The following CSMD3 variants were observed in gnomAD, a reference collection of about 807,000 sequenced individuals.
The protein encoded by CSMD3 is CUB and sushi domain-containing protein 3.
Under a neutral mutation model 435.2 loss-of-function variants are expected in CSMD3, and 177 were observed. That is an observed-to-expected ratio of 0.41 (90% CI 0.36 to 0.46). The LOEUF (loss-of-function observed/expected upper bound fraction) is 0.46. Ranked by LOEUF, CSMD3 falls within the 20% of genes least tolerant of loss-of-function variation. The probability of loss-of-function intolerance (pLI) is 0.34; values close to 1 mark genes in which losing one functional copy is unlikely to be tolerated. For synonymous variants in CSMD3, 1,656 were observed against 1,520.5 expected (o/e 1.09, Z -2.07); for missense variants, 4,265 against 4,504.6 (o/e 0.95, Z 1.52).
At chr8:112,371,082 TC>T (rs1828348428) in intron 38 of CSMD3, among the ~76,000 whole-genome samples, 1 of 152,038 alleles carries the variant, frequency 6.6e-6, no homozygotes, top group Non-Finnish European at 1.5e-5. Flanking sequence ...TGCCCAGATT[TC>T]CCCTGGCCTC....
chr8:112,634,125 A>C (rs2074591606), intron 22 of CSMD3, among the ~76,000 whole-genome samples: 1 of 152,016 alleles, frequency 6.6e-6, no homozygotes, highest in Admixed American at 6.6e-5. Context: ...AAAAAGTACA[A>C]AGAGGTTAAG....
At chr8:113,002,398 C>A (rs1033356732) in intron 6 of CSMD3, among the ~76,000 whole-genome samples, 1 of 151,620 alleles carries the variant, frequency 6.6e-6, no homozygotes, top group Non-Finnish European at 1.5e-5. Flanking sequence ...CTATGGTTTT[C>A]AAAAAAATGT....
intron 56 of CSMD3, among the ~76,000 whole-genome samples, chr8:112,289,857 T>C (rs1466968908): frequency 6.6e-6 from 1 of 152,062 alleles, no homozygotes; most frequent in Non-Finnish European, 1.5e-5. Context: ...CATATATATG[T>C]GTATGAGTTC....
Position 112,728,375 on chromosome 8 carries a change from A to G in CSMD3, c.1973-38325T>C, listed in dbSNP as rs865843318. Among the ~76,000 whole-genome samples the G allele has an allele frequency of 8.5e-5, 13 of 152,126 alleles. No homozygotes were observed. The South Asian group carries it at 1.0e-3, about 12-fold the overall frequency. On this transcript the variant is annotated intron_variant, in intron 13 of 70. Coordinates refer to ENST00000297405, the MANE Select transcript of CSMD3 (RefSeq NM_198123.2). ...ACAATAAAGAATTAAAATAAGTTAT[A>G]TATCTATACACGTATGTATGTAAAT...
chr8:112,727,385 C>A (rs889336904), intron 13 of CSMD3, among the ~76,000 whole-genome samples: 1 of 151,790 alleles, frequency 6.6e-6, no homozygotes, highest in African/African-American at 2.4e-5. Flanking sequence ...ATTGAGTGGA[C>A]ATAATCTTCT....
At chr8:113,281,691 T>C (rs1041748415) in intron 2 of CSMD3, among the ~76,000 whole-genome samples, 4 of 151,966 alleles carry the variant, frequency 2.6e-5, no homozygotes, top group Admixed American at 2.6e-4. Flanking sequence ...TACCCTTGCA[T>C]ACATCGTGCA....
rs530653717 is a variant in CSMD3 at position 112,240,717 on chromosome 8, C to T, written c.10468+1003G>A. On this transcript the variant is annotated intron_variant, in intron 66 of 70. Coordinates refer to ENST00000297405, the MANE Select transcript of CSMD3 (RefSeq NM_198123.2). The stretch of plus-strand genomic sequence containing the variant: ...GCATGATATGGTTTGGCTCTGTGTC[C>T]CCACCCAAATCTCAACTTGAATTGT... Among the ~76,000 whole-genome samples the T allele has an allele frequency of 3.3e-5, 5 of 152,040 alleles. No individual in the cohort carries two copies. The South Asian group carries it at 1.0e-3, about 32-fold the overall frequency.
chr8:113,278,587 CT>C lies in CSMD3; in HGVS notation c.514+4del. 1 of 1,406,464 alleles carries C rather than the reference CT, an allele frequency of 7.1e-7. No individual in the cohort carries two copies. The highest frequency in any genetic ancestry group is 1.0e-6 in the Non-Finnish European group (1 of 991,132). 87.1% of individuals were successfully genotyped at this position (1,406,464 alleles called of 1,614,324 possible). On this transcript the variant is annotated splice_donor_region_variant and intron_variant, in intron 3 of 70. Coordinates refer to ENST00000297405, the MANE Select transcript of CSMD3 (RefSeq NM_198123.2). ...AGTGGTTTGTTTGCCACTACCATCA[CT>C]TACCTTCGTAATATACCTTAAATCC...
At chr8:112,599,140 C>T (rs1364706301) in intron 22 of CSMD3, among the ~76,000 whole-genome samples, 2 of 141,266 alleles carry the variant, frequency 1.4e-5, no homozygotes, top group Admixed American at 7.1e-5. Context: ...GGCTAATATC[C>T]AGAATCTACA....
chr8:112,677,804 T>G (rs2131756716), intron 16 of CSMD3, among the ~76,000 whole-genome samples: 1 of 152,134 alleles, frequency 6.6e-6, no homozygotes, highest in South Asian at 2.1e-4. Flanking sequence ...GCAAAATGAT[T>G]CTTAAGGCCC....
chr8:112,879,199 C>T (rs967297945), intron 10 of CSMD3, among the ~76,000 whole-genome samples: 1 of 152,124 alleles, frequency 6.6e-6, no homozygotes, highest in African/African-American at 2.4e-5. Context: ...ATTAACAGCC[C>T]TGGGAAAAGA....
chr8:113,101,209 C>T (rs2090321103), intron 4 of CSMD3, among the ~76,000 whole-genome samples: 1 of 152,082 alleles, frequency 6.6e-6, no homozygotes, highest in African/African-American at 2.4e-5. Flanking sequence ...CAGCTGGCTG[C>T]TTACATTTCT....
intron 50 of CSMD3, among the ~76,000 whole-genome samples, chr8:112,308,044 T>C (rs1207163247): frequency 2.0e-5 from 3 of 152,190 alleles, no homozygotes; most frequent in Non-Finnish European, 4.4e-5. Context: ...TGCTGAATAA[T>C]TGATCTTCTG....
intron 4 of CSMD3, among the ~76,000 whole-genome samples, chr8:113,141,464 CAT>C (rs992828385): frequency 6.6e-6 from 1 of 150,850 alleles, no homozygotes; most frequent in East Asian, 1.9e-4. Flanking sequence ...AACTCAGTAA[CAT>C]ATTTTTCAAA....
intron 1 of CSMD3, chr8:113,377,139 G>C: frequency 1.6e-6 from 2 of 1,253,588 alleles, no homozygotes; most frequent in Non-Finnish European, 2.0e-6. Context: ...GTCCTCCAAA[G>C]GGCCGAGGGG....
chr8:113,069,390 A>T (rs2089002303), intron 5 of CSMD3, among the ~76,000 whole-genome samples: 2 of 152,146 alleles, frequency 1.3e-5, no homozygotes, highest in Admixed American at 6.6e-5. Flanking sequence ...CTGTCTGATT[A>T]GTGTTATAGT....
Position 112,566,661 on chromosome 8 carries a change from TGGCAGTTGTGCCAATAGAAAAAG to T in CSMD3, c.4042+6817_4042+6839del, listed in dbSNP as rs748678241. Among the ~76,000 whole-genome samples, 683 of 152,228 alleles carry T rather than the reference TGGCAGTTGTGCCAATAGAAAAAG, an allele frequency of 4.5e-3. 2 individuals are homozygous for T. Among genetic ancestry groups the T allele is most frequent in the Non-Finnish European group, 7.3e-3 (497 of 67,994 alleles). Reference sequence around the variant, plus strand: ...GCTGGACACTTACATGGGTGAATGCTGGCAGTTGTGCCAATAGAAAAAGGCTATTTGGGACTAGGCATGTTCAA... The same window carrying T: ...GCTGGACACTTACATGGGTGAATGCTGCTATTTGGGACTAGGCATGTTCAA... On this transcript the variant is annotated intron_variant, in intron 24 of 70. Coordinates refer to ENST00000297405, the MANE Select transcript of CSMD3 (RefSeq NM_198123.2).
chr8:112,224,055 G>C lies in CSMD3; in HGVS notation c.*716C>G, dbSNP rs930378567. On this transcript the variant is annotated 3_prime_UTR_variant, in exon 71 of 71. Coordinates refer to ENST00000297405, the MANE Select transcript of CSMD3 (RefSeq NM_198123.2). ...GTGAAACACTACCCCATAGCTCACT[G>C]AATAATACTGGTTACTCCATAATGG... 2 of 152,272 alleles carry C rather than the reference G, an allele frequency of 1.3e-5. No homozygotes were observed. Among genetic ancestry groups the C allele is most frequent in the African/African-American group, 4.8e-5 (2 of 41,418 alleles). The allele number at this position is 152,272 out of a possible 1,614,324, so 9.4% of individuals were successfully genotyped here.
chr8:112,533,927 T>C (rs533564993), intron 27 of CSMD3, among the ~76,000 whole-genome samples: 42 of 152,040 alleles, frequency 2.8e-4, no homozygotes, highest in African/African-American at 1.0e-3. Flanking sequence ...CTGACTATAA[T>C]GGAATAAAAC....
Sources: gnomAD v4.1 joint callset for allele counts (sites outside exome capture counted in the v4.1 genomes callset) on GRCh38, gnomAD v4.1.1 for gene constraint, MANE v1.5 for transcripts, NCBI Gene and HGNC (gene_info 2026-07-23, HGNC 2026-07-21) for gene names.